Variants in GGA2 observed in about 807,000 individuals in gnomAD.
GGA2 encodes golgi associated, gamma adaptin ear containing, ARF binding protein 2.
A neutral mutation model predicts 79.5 loss-of-function variants in GGA2; 48 were observed. That is an observed-to-expected ratio of 0.60 (90% CI 0.48 to 0.77). The LOEUF is 0.77. Ranked by LOEUF, GGA2 falls within the 30% of genes least tolerant of loss-of-function variation. The pLI is 0.00. For missense variants in GGA2, 770 were observed against 774.0 expected, an observed-to-expected ratio of 0.99 and a Z score of 0.06; for synonymous variants, 317 against 302.0, an observed-to-expected ratio of 1.05 and a Z score of -0.51.
chr16:23,494,584 T>C (rs151107060), intron 2 of GGA2, among the ~76,000 whole-genome samples: 1,993 of 152,150 alleles, frequency 0.013, 20 homozygotes, highest in Non-Finnish European at 0.02. Flanking sequence ...CCCAAGGTCC[T>C]CCTCCTGCCC....
upstream of GGA2, among the ~76,000 whole-genome samples, chr16:23,511,050 T>TGTGTGTGTGTGTGTG (rs57500272): frequency 2.1e-4 from 31 of 149,474 alleles, no homozygotes; most frequent in East Asian, 7.9e-4. Flanking sequence ...TGTGTGTGTG[T>TGTGTGTGTGTGTGTG]TAGAGACTGG....
At chr16:23,470,256 T>A in intron 14 of GGA2, 91 bp from the exon 15 acceptor site, 1 of 945,780 alleles carries the variant, frequency 1.1e-6, no homozygotes, top group Non-Finnish European at 1.5e-6. Context: ...TATCCCCAGA[T>A]GCTGTTGCTT....
chr16:23,510,346 C>T lies in GGA2; in HGVS notation c.66G>A (p.Pro22=). ...GTESAQGPPG[P]AASLELWLNK... ...TGAGCCACAGCTCCAGCGACGCTGC[C>T]GGGCCCGGGGGACCCTGGGCCGACT... Residue 22 remains proline, a synonymous_variant, in exon 1 of 17, where the codon CCG becomes CCA. Transcript: ENST00000309859. 2 of 1,435,502 alleles carry T rather than the reference C, an allele frequency of 1.4e-6. No individual in the cohort carries two copies. The highest frequency in any genetic ancestry group is 1.8e-6 in the Non-Finnish European group (2 of 1,095,340). 88.9% of individuals were successfully genotyped at this position (1,435,502 alleles called of 1,614,324 possible). A position where few individuals can be genotyped will look rare whatever the true frequency, so the allele number is the denominator to read the frequency against.
intron 10 of GGA2, 145 bp from the exon 11 acceptor site, chr16:23,480,032 T>G: frequency 1.4e-6 from 1 of 700,220 alleles, no homozygotes; most frequent in Non-Finnish European, 2.3e-6. Context: ...CTCAGCTGAG[T>G]GTCCTGACAC....
At position 23,471,276 on chromosome 16, in the gene GGA2, A is replaced by G. The variant is rs1400876923; in HGVS notation, c.1451-1111T>C. Among the ~76,000 whole-genome samples, 3 of 152,306 alleles carry G rather than the reference A, an allele frequency of 2.0e-5. No individual in the cohort carries two copies. The East Asian group carries it at 5.8e-4, about 29-fold the overall frequency. On this transcript the variant is annotated intron_variant, in intron 14 of 16. Coordinates refer to ENST00000309859, the MANE Select transcript of GGA2 (RefSeq NM_015044.4). ...TTAATTGTACAAAACTGTAGATACCAAATCACCTCAAATTAATAAGTTTAA... is the reference window on the plus strand; with the variant it reads ...TTAATTGTACAAAACTGTAGATACCGAATCACCTCAAATTAATAAGTTTAA...
chr16:23,472,210 T>TTA (rs1964520023), intron 14 of GGA2, among the ~76,000 whole-genome samples: 1 of 145,422 alleles, frequency 6.9e-6, no homozygotes, highest in Non-Finnish European at 1.5e-5. Flanking sequence ...TTTTTTTTTT[T>TTA]TTAGACACAG....
At chr16:23,469,048 G>C (rs1964476755) in intron 15 of GGA2, 52 bp from the exon 16 acceptor site, 3 of 1,134,616 alleles carry the variant, frequency 2.6e-6, no homozygotes, top group African/African-American at 3.0e-5. Context: ...ACAGCTTCTA[G>C]GATGGAGATC....
chr16:23,482,477 G>C, intron 9 of GGA2, among the ~76,000 whole-genome samples: 2 of 152,056 alleles, frequency 1.3e-5, no homozygotes, highest in Middle Eastern at 3.2e-3. Context: ...TTCTTTTTTA[G>C]TAACTGTGGA....
intron 4 of GGA2, 129 bp downstream of exon 4, chr16:23,493,231 G>A: frequency 1.5e-6 from 1 of 658,380 alleles, no homozygotes; most frequent in Non-Finnish European, 2.8e-6. Flanking sequence ...GGAGAGGAGA[G>A]CGCTTCTTTC....
intron 1 of GGA2, among the ~76,000 whole-genome samples, chr16:23,508,537 C>T (rs1311501709): frequency 1.1e-4 from 17 of 152,172 alleles, no homozygotes. Context: ...AGCAAAACTA[C>T]GTTACAACCA....
Position 23,479,849 on chromosome 16 carries a change from G to T in GGA2, c.1045C>A (p.Leu349Met), listed in dbSNP as rs748011199. 2 of 1,614,024 alleles carry T rather than the reference G, an allele frequency of 1.2e-6. No individual in the cohort carries two copies. The highest frequency in any genetic ancestry group is 1.7e-6 in the Non-Finnish European group (2 of 1,179,892). Residue 349 changes from leucine (L) to methionine (M), a missense_variant, in exon 11 of 17, where the codon CTG (leucine) becomes ATG (methionine). By Grantham distance (15) the Leu-to-Met change is conservative (BLOSUM62 2). Coordinates refer to ENST00000309859, the MANE Select transcript of GGA2 (RefSeq NM_015044.4). The part of the protein sequence containing the change: ...NPAGCMKTCP[L>M]IDLEVDNGPA... Reference sequence around the variant, plus strand: ...CCATTGTCCACCTCCAAGTCAATCAGGGGGCAGGTCTTCATGCAGCCTGCT... The same window carrying T: ...CCATTGTCCACCTCCAAGTCAATCATGGGGCAGGTCTTCATGCAGCCTGCT...
At position 23,493,472 on chromosome 16, in the gene GGA2, G is replaced by A. The variant is rs1964815202; in HGVS notation, c.253-14C>T. The stretch of plus-strand genomic sequence containing the variant: ...CATCTCCAGCACCTGCACAGACACA[G>A]GACCCCCAGGAGAAGGTGGAAAGCC... On this transcript the variant is annotated splice_polypyrimidine_tract_variant and intron_variant, in intron 3 of 16. Transcript: ENST00000309859. 1 of 1,533,708 alleles carries A rather than the reference G, an allele frequency of 6.5e-7. No homozygotes were observed. Among genetic ancestry groups the A allele is most frequent in the Non-Finnish European group, 9.0e-7 (1 of 1,106,592 alleles).
At chr16:23,483,081 C>A in intron 8 of GGA2, 77 bp from the exon 9 acceptor site, 1 of 883,218 alleles carries the variant, frequency 1.1e-6, no homozygotes, top group Admixed American at 1.8e-5. Context: ...CAGGAGCCTT[C>A]GATCAGGCAG....
chr16:23,491,589 T>C, intron 5 of GGA2, 88 bp downstream of exon 5: 1 of 1,259,260 alleles, frequency 7.9e-7, no homozygotes. Context: ...GAAGTACAGC[T>C]TTCAACAAAA....
chr16:23,474,074 C>T (rs993577812), intron 14 of GGA2, among the ~76,000 whole-genome samples: 5 of 151,920 alleles, frequency 3.3e-5, no homozygotes, highest in African/African-American at 1.2e-4. Flanking sequence ...CTTAATTAGC[C>T]GAGCCTTCCA....
In GGA2 at chr16:23,510,471, C is replaced by T. The variant is rs898819517; in HGVS notation, c.-60G>A. 3 of 613,782 alleles carry T rather than the reference C, an allele frequency of 4.9e-6. No homozygotes were observed. The highest frequency in any genetic ancestry group is 5.0e-4 in the Middle Eastern group (1 of 2,014). 38.0% of individuals were successfully genotyped at this position (613,782 alleles called of 1,614,324 possible). A position where few individuals can be genotyped will look rare whatever the true frequency, so the allele number is the denominator to read the frequency against. ...CTGCCTCTTCAGCCGCTGTAGCGTC[C>T]TGGCGCTCTCCTCTGCTGACTGCGC... On this transcript the variant is annotated 5_prime_UTR_variant, in exon 1 of 17. Coordinates refer to ENST00000309859, the MANE Select transcript of GGA2 (RefSeq NM_015044.4).
chr16:23,480,852 C>A (rs1160335846), intron 9 of GGA2, 82 bp from the exon 10 acceptor site: 3 of 1,334,776 alleles, frequency 2.2e-6, no homozygotes, highest in South Asian at 1.2e-5. Context: ...CATAAAACAG[C>A]CTTCATATGG....
rs1310421932 is a variant in GGA2 at position 23,475,825 on chromosome 16, G to A, written c.1293-764C>T. ...CACGCTTGTAATACCAGCTACTCAG[G>A]AGGCTGAGGCAGGAGAATGGCTAGA... On this transcript the variant is annotated intron_variant, in intron 13 of 16. Coordinates refer to ENST00000309859, the MANE Select transcript of GGA2 (RefSeq NM_015044.4). Among the ~76,000 whole-genome samples, 7 of 152,154 alleles carry A rather than the reference G, an allele frequency of 4.6e-5. 1 individual carries two copies. The highest frequency in any genetic ancestry group is 3.9e-4 in the Admixed American group (6 of 15,286).
chr16:23,506,161 A>T (rs1325907236), intron 1 of GGA2, among the ~76,000 whole-genome samples: 1 of 152,046 alleles, frequency 6.6e-6, no homozygotes, highest in Non-Finnish European at 1.5e-5. Flanking sequence ...CAGGGACCTG[A>T]TCTTGGCCAG....
Sources: gnomAD v4.1 joint callset for allele counts (sites outside exome capture counted in the v4.1 genomes callset) on GRCh38, gnomAD v4.1.1 for gene constraint, MANE v1.5 for transcripts, NCBI Gene and HGNC (gene_info 2026-07-23, HGNC 2026-07-21) for gene names.